DZANK1: variants seen among roughly 807,000 people sequenced by gnomAD.
DZANK1 encodes the protein double zinc ribbon and ankyrin repeat domains 1.
A neutral mutation model predicts 94.5 loss-of-function variants in DZANK1; 91 were observed. The ratio of observed to expected loss-of-function variants is 0.96; its 90% CI spans 0.81 to 1.15. The LOEUF (loss-of-function observed/expected upper bound fraction) is 1.15. DZANK1 is among the 50% of genes most tolerant of loss of function. The probability of loss-of-function intolerance (pLI) is 0.00; values close to 1 mark genes in which losing one functional copy is unlikely to be tolerated. For missense variants in DZANK1, 903 were observed against 916.4 expected (o/e 0.99, Z 0.19); for synonymous variants, 312 against 325.3 (o/e 0.96, Z 0.44).
intron 10 of DZANK1, among the ~76,000 whole-genome samples, chr20:18,418,843 A>T (rs2057625235): frequency 6.6e-6 from 1 of 152,258 alleles, no homozygotes; most frequent in South Asian, 2.1e-4. Context: ...AGAAAAAGAT[A>T]ATATTTAAAA....
At chr20:18,415,439 C>T in exon 11 of DZANK1, 1 of 1,535,760 alleles carries the variant, frequency 6.5e-7, no homozygotes, top group Non-Finnish European at 8.8e-7. Context: ...TTTATCCCCA[C>T]TGCACATCGA....
intron 13 of DZANK1, among the ~76,000 whole-genome samples, chr20:18,404,761 G>C (rs2056869909): frequency 6.6e-6 from 1 of 152,104 alleles, no homozygotes; most frequent in Admixed American, 6.5e-5. Flanking sequence ...AGGAGTAAAA[G>C]AAGAGCCAGG....
chr20:18,392,181 T>C (rs1295083923), intron 17 of DZANK1, among the ~76,000 whole-genome samples: 2 of 152,166 alleles, frequency 1.3e-5, no homozygotes, highest in African/African-American at 2.4e-5. Flanking sequence ...AGTAAATAGG[T>C]AGAGTCTCCC....
At position 18,416,413 on chromosome 20, in the gene DZANK1, T is replaced by A. The variant is rs140723624; in HGVS notation, c.955-964A>T. Among the ~76,000 whole-genome samples, 1,205 of 152,326 alleles carry A rather than the reference T, an allele frequency of 7.9e-3. 15 individuals are homozygous for A. The highest frequency in any genetic ancestry group is 0.027 in the African/African-American group (1,124 of 41,564). Reference sequence around the variant, plus strand: ...CTGATTTCTTCAGGAGAAAGGACTATAATTTCACTTTTATTCCCCGCACTA... The same window carrying A: ...CTGATTTCTTCAGGAGAAAGGACTAAAATTTCACTTTTATTCCCCGCACTA... On this transcript the variant is annotated intron_variant, in intron 10 of 20. Coordinates refer to ENST00000262547, the Ensembl canonical transcript of DZANK1.
chr20:18,453,644 A>C, intron 5 of DZANK1, 87 bp downstream of exon 5: 1 of 927,088 alleles, frequency 1.1e-6, no homozygotes, highest in South Asian at 1.5e-5. Context: ...ACACTTCTCC[A>C]GACAAGAAAA....
At chr20:18,384,675 C>T in intron 20 of DZANK1, 111 bp from the exon 21 acceptor site, 6 of 1,153,270 alleles carry the variant, frequency 5.2e-6, no homozygotes, top group African/African-American at 3.1e-5. Flanking sequence ...CTGGTCCCAC[C>T]TCCCCAAACC....
At chr20:18,396,588 G>A (rs747817681) in intron 14 of DZANK1, 42 bp from the exon 15 acceptor site, 1 of 1,447,072 alleles carries the variant, frequency 6.9e-7, no homozygotes, top group South Asian at 1.2e-5. Context: ...CTGTGGGTGT[G>A]GGACTCATTG....
At chr20:18,431,396 G>A (rs764063086) in intron 9 of DZANK1, among the ~76,000 whole-genome samples, 5 of 152,120 alleles carry the variant, frequency 3.3e-5, no homozygotes, top group Non-Finnish European at 7.4e-5. Flanking sequence ...GAAAGGGGAC[G>A]GGAGCTGTCA....
chr20:18,415,580 TTTTG>T lies in DZANK1; in HGVS notation c.955-135_955-132del. Reference sequence around the variant, plus strand: ...ATAGTGTTTTTTTTGTTTTGTTTTGTTTTGTTTTTTTCCCAAAGGAGTACAGCTA... The same window carrying T: ...ATAGTGTTTTTTTTGTTTTGTTTTGTTTTTTTTCCCAAAGGAGTACAGCTA... On this transcript the variant is annotated intron_variant, in intron 10 of 20. Transcript: ENST00000262547. The T allele has an allele frequency of 1.2e-5, 14 of 1,129,374 alleles. No individual in the cohort carries two copies. The East Asian group carries it at 1.9e-4, about 16-fold the overall frequency. The allele number at this position is 1,129,374 out of a possible 1,614,324, so 70.0% of individuals were successfully genotyped here.
intron 7 of DZANK1, among the ~76,000 whole-genome samples, chr20:18,447,444 G>A (rs1023879088): frequency 5.9e-5 from 9 of 152,062 alleles, no homozygotes; most frequent in Non-Finnish European, 2.9e-5. Context: ...GCCTCAGCTG[G>A]AGATCCCAAG....
chr20:18,465,275 G>A (rs755756337), exon 2 of DZANK1: 2 of 1,604,316 alleles, frequency 1.2e-6, no homozygotes, highest in Non-Finnish European at 1.7e-6. Context: ...AAAGCGTATT[G>A]TTATCAATTT....
At chr20:18,385,530 G>T (rs557237737) in intron 19 of DZANK1, among the ~76,000 whole-genome samples, 1 of 151,582 alleles carries the variant, frequency 6.6e-6, no homozygotes, top group Admixed American at 6.6e-5. Context: ...ATTCTCCTGC[G>T]TCAGCCTCCC....
intron 4 of DZANK1, chr20:18,454,331 T>C (rs141617113): frequency 4.0e-4 from 112 of 276,996 alleles, no homozygotes; most frequent in African/African-American, 2.2e-3. Flanking sequence ...CCAGTGTAGA[T>C]CCTTGCCTTG....
chr20:18,408,001 G>A (rs2148391802), intron 13 of DZANK1, among the ~76,000 whole-genome samples: 1 of 152,308 alleles, frequency 6.6e-6, no homozygotes, highest in East Asian at 1.9e-4. Context: ...GAAAGAAATA[G>A]GAGTAGAAAG....
rs118044077 is a variant in DZANK1 at position 18,456,374 on chromosome 20, T to C, written c.264-1013A>G. On this transcript the variant is annotated intron_variant, in intron 3 of 20. Transcript: ENST00000262547. ...AAAACTAGTGGTGATGTTATTTCACTACCAGTAGCTCACCTATACTCTATT... is the reference window on the plus strand; with the variant it reads ...AAAACTAGTGGTGATGTTATTTCACCACCAGTAGCTCACCTATACTCTATT... Among the ~76,000 whole-genome samples the C allele has an allele frequency of 3.7e-4, 56 of 152,376 alleles. 1 individual carries two copies. In the East Asian group the frequency reaches 0.01, roughly 28 times the overall value.
intron 10 of DZANK1, among the ~76,000 whole-genome samples, chr20:18,417,434 C>T (rs761132024): frequency 4.6e-5 from 7 of 152,084 alleles, no homozygotes; most frequent in African/African-American, 1.4e-4. Flanking sequence ...CCAGAAGTTC[C>T]ACTGTTTTCT....
intron 2 of DZANK1, among the ~76,000 whole-genome samples, chr20:18,461,793 T>C (rs2059483320): frequency 6.6e-6 from 1 of 152,034 alleles, no homozygotes; most frequent in African/African-American, 2.4e-5. Flanking sequence ...AGAGACGGGG[T>C]TTTGCCATGT....
At chr20:18,425,812 G>C (rs1415361536) in intron 10 of DZANK1, among the ~76,000 whole-genome samples, 1 of 152,164 alleles carries the variant, frequency 6.6e-6, no homozygotes, top group Non-Finnish European at 1.5e-5. Flanking sequence ...AGAGCTCCAC[G>C]GGATGGCAAA....
chr20:18,431,021 T>C (rs4813327), intron 9 of DZANK1, among the ~76,000 whole-genome samples: 125,991 of 152,114 alleles, frequency 0.83, 52,689 homozygotes, highest in South Asian at 0.96. Context: ...GCTGCTAACG[T>C]TGGTTATTTC....
Sources: allele counts gnomAD v4.1 joint callset (sites outside exome capture counted in the v4.1 genomes callset), GRCh38; gene constraint gnomAD v4.1.1; transcripts MANE v1.5; gene names NCBI Gene and HGNC (gene_info 2026-07-23, HGNC 2026-07-21).